Variants in DDO observed in about 807,000 individuals in gnomAD.
The protein encoded by DDO is D-aspartate oxidase, also known as D-aspartate oxidase, DDO.
DDO carries 16 observed loss-of-function variants against 16.8 expected under a neutral mutation model. The observed-to-expected ratio is 0.95, with a 90% CI of 0.65 to 1.45. DDO has a LOEUF of 1.45. DDO is among the 40% of genes most tolerant of loss of function. The pLI is 0.00. For missense variants in DDO, 429 were observed against 420.3 expected (o/e 1.02, Z -0.18); for synonymous variants, 180 against 167.2 (o/e 1.08, Z -0.59).
intron 2 of DDO, among the ~76,000 whole-genome samples, chr6:110,409,561 G>A (rs886068444): frequency 2.0e-5 from 3 of 152,192 alleles, no homozygotes; most frequent in Non-Finnish European, 4.4e-5. Context: ...TGTCAGTAGC[G>A]GGATTTTCAG....
intron 4 of DDO, among the ~76,000 whole-genome samples, 158 bp from the exon 5 acceptor site, chr6:110,393,500 T>C (rs959236013): frequency 3.9e-5 from 6 of 152,232 alleles, no homozygotes; most frequent in African/African-American, 1.4e-4. Context: ...ATTCTAGCCA[T>C]CAACTGCTTC....
chr6:110,404,370 T>C, intron 4 of DDO, among the ~76,000 whole-genome samples: 1 of 152,190 alleles, frequency 6.6e-6, no homozygotes, highest in East Asian at 1.9e-4. Context: ...AAATAATTTA[T>C]AATAAGCAAA....
chr6:110,393,380 G>A (rs781726726), intron 4 of DDO, 38 bp from the exon 5 acceptor site: 11 of 1,520,954 alleles, frequency 7.2e-6, no homozygotes, highest in South Asian at 5.2e-5. Context: ...ATTTGTTAGC[G>A]ACCTGATCAA....
At chr6:110,411,217 T>C (rs1418972048) in intron 2 of DDO, among the ~76,000 whole-genome samples, 3 of 152,146 alleles carry the variant, frequency 2.0e-5, no homozygotes, top group African/African-American at 7.2e-5. Context: ...TAAATGGCCC[T>C]GCCCTCTTAC....
Position 110,393,359 on chromosome 6 carries a change from A to T in DDO, c.459-17T>A. On this transcript the variant is annotated splice_polypyrimidine_tract_variant and intron_variant, in intron 4 of 4. Coordinates refer to ENST00000368924, the MANE Select transcript of DDO (RefSeq NM_001372108.2). ...CCCTTTATCCTACGGAAGAGAGGCC[A>T]TGAAGTGAATATTTGTTAGCGACCT... is the stretch of plus-strand genomic sequence containing the variant. 3 of 1,558,050 alleles carry T rather than the reference A, an allele frequency of 1.9e-6. No homozygotes were observed. Among genetic ancestry groups the T allele is most frequent in the Non-Finnish European group, 2.6e-6 (3 of 1,152,696 alleles).
downstream of DDO, chr6:110,391,670 C>G (rs530030829): frequency 2.0e-5 from 3 of 152,368 alleles, no homozygotes; most frequent in East Asian, 5.8e-4. Context: ...AGCCTCTTTA[C>G]TTCAATACCA....
chr6:110,388,749 A>G, downstream of DDO: 1 of 965,570 alleles, frequency 1.0e-6, no homozygotes, highest in Non-Finnish European at 1.2e-6. Context: ...GCAGACACTC[A>G]GCCACAAAGG....
intron 3 of DDO, among the ~76,000 whole-genome samples, chr6:110,407,624 G>A (rs573572387): frequency 1.3e-5 from 2 of 152,240 alleles, no homozygotes; most frequent in African/African-American, 2.4e-5. Context: ...TGACATGTAT[G>A]TTACATCATA....
chr6:110,408,402 G>T lies in DDO; in HGVS notation c.213C>A (p.Thr71=), dbSNP rs775607593. 11 of 1,614,018 alleles carry T rather than the reference G, an allele frequency of 6.8e-6. No individual in the cohort carries two copies. The African/African-American group carries it at 1.3e-4, about 20-fold the overall frequency. The part of the protein sequence containing the change: ...IHTQKQWFRE[T]FNHLFAIANS... ...TGGCAATTGCAAAGAGGTGATTAAA[G>T]GTTTCTCTGAACCACTGCTTCTGCG... The change falls in exon 3 of 5, where the codon ACC becomes ACA. Residue 71 remains threonine (T), a synonymous_variant. Coordinates refer to ENST00000368924, the MANE Select transcript of DDO (RefSeq NM_001372108.2).
At chr6:110,408,488 G>A in intron 2 of DDO, 46 bp from the exon 3 acceptor site, 1 of 1,541,536 alleles carries the variant, frequency 6.5e-7, no homozygotes, top group Non-Finnish European at 8.9e-7. Context: ...GGAAAATGAT[G>A]ATAATGACAG....
chr6:110,413,147 A>G (rs1773915581), intron 2 of DDO, 144 bp downstream of exon 2: 2 of 989,396 alleles, frequency 2.0e-6, no homozygotes, highest in Admixed American at 2.9e-5. Context: ...TGTCTCAAAA[A>G]AAGAGAAAAA....
chr6:110,390,682 C>T (rs2207357), downstream of DDO, among the ~76,000 whole-genome samples: 44,179 of 152,110 alleles, frequency 0.29, 6,570 homozygotes, highest in East Asian at 0.41. Context: ...AAGGAGTACA[C>T]TTAAAGCTGC....
chr6:110,411,307 TCAGCAGA>T (rs1484682245), intron 2 of DDO, among the ~76,000 whole-genome samples: 1 of 151,528 alleles, frequency 6.6e-6, no homozygotes, highest in Non-Finnish European at 1.5e-5. Context: ...CTCATAAACA[TCAGCAGA>T]CAGGTAAAGA....
At chr6:110,413,201 T>C (rs1344139721) in intron 2 of DDO, 90 bp downstream of exon 2, 8 of 1,464,952 alleles carry the variant, frequency 5.5e-6, no homozygotes, top group African/African-American at 1.4e-5. Context: ...CACTTACACC[T>C]ATAGCCAGCT....
chr6:110,389,841 A>C (rs190128237), downstream of DDO, among the ~76,000 whole-genome samples: 3 of 152,328 alleles, frequency 2.0e-5, no homozygotes, highest in African/African-American at 7.2e-5. Context: ...GCTTCCTGCA[A>C]GTCTGATATA....
intron 1 of DDO, 66 bp from the exon 2 acceptor site, chr6:110,413,532 G>T (rs1172009279): frequency 1.3e-5 from 20 of 1,555,800 alleles, no homozygotes; most frequent in Middle Eastern, 2.4e-4. Context: ...ACAAAGTTTG[G>T]TCTTGACAGT....
downstream of DDO, chr6:110,388,648 T>C (rs535911543): frequency 8.9e-5 from 24 of 270,914 alleles, 1 homozygote; most frequent in Non-Finnish European, 1.2e-4. Context: ...ATCCTAAAAC[T>C]TTGTGCATAA....
At chr6:110,405,132 G>T (rs1488916238) in intron 3 of DDO, among the ~76,000 whole-genome samples, 182 bp from the exon 4 acceptor site, 1 of 152,164 alleles carries the variant, frequency 6.6e-6, no homozygotes, top group Non-Finnish European at 1.5e-5. Context: ...AACTTCTGGG[G>T]CTCAGGCAAT....
At chr6:110,404,088 A>T (rs1200971523) in intron 4 of DDO, among the ~76,000 whole-genome samples, 1 of 152,216 alleles carries the variant, frequency 6.6e-6, no homozygotes, top group Non-Finnish European at 1.5e-5. Flanking sequence ...ACAACTCTCA[A>T]CATGCCTGCA....
Sources: gnomAD v4.1 joint callset for allele counts (sites outside exome capture counted in the v4.1 genomes callset) on GRCh38, gnomAD v4.1.1 for gene constraint, MANE v1.5 for transcripts, NCBI Gene and HGNC (gene_info 2026-07-23, HGNC 2026-07-21) for gene names.